Variants in STK26 observed in about 807,000 individuals in gnomAD.
STK26 encodes the protein serine/threonine kinase 26, also known as serine/threonine-protein kinase 26.
Under a neutral mutation model 34.7 loss-of-function variants are expected in STK26, and 14 were observed. The observed-to-expected ratio is 0.40, with a 90% confidence interval of 0.27 to 0.63. The LOEUF is 0.63. Ranked by LOEUF, STK26 falls within the 30% of genes least tolerant of loss-of-function variation. STK26 has a pLI of 0.38. For synonymous variants in STK26, 100 were observed against 109.8 expected, an observed-to-expected ratio of 0.91 and a Z score of 0.56; for missense variants, 226 against 309.1, an observed-to-expected ratio of 0.73 and a Z score of 2.02.
intron 2 of STK26, 63 bp from the exon 3 acceptor site, chrX:132,054,568 A>G: frequency 5.9e-6 from 6 of 1,013,145 alleles, no homozygotes; most frequent in South Asian, 2.2e-5. Context: ...ATTTTCCTTC[A>G]TTAAAAAAAT....
At chrX:132,024,089 A>G (rs1457038464) in intron 2 of STK26, among the ~76,000 whole-genome samples, 1 of 110,977 alleles carries the variant, frequency 9.0e-6, no homozygotes, top group Non-Finnish European at 1.9e-5. Context: ...GGGCGGGGCA[A>G]CACCAGGGGT....
intron 3 of STK26, 148 bp from the exon 4 acceptor site, chrX:132,063,284 AG>A: frequency 2.0e-6 from 1 of 489,131 alleles, no homozygotes; most frequent in Non-Finnish European, 3.4e-6. Flanking sequence ...TCTATCTCCA[AG>A]GGTTCAATTG....
chrX:132,075,529 T>C lies in STK26; in HGVS notation c.*1370T>C, dbSNP rs1339794353. The C allele has an allele frequency of 8.9e-6, 1 of 111,977 alleles. No individual in the cohort carries two copies. Among genetic ancestry groups the C allele is most frequent in the Non-Finnish European group, 1.9e-5 (1 of 53,020 alleles). 9.2% of individuals were successfully genotyped at this position (111,977 alleles called of 1,213,427 possible). A position where few individuals can be genotyped will look rare whatever the true frequency, so the allele number is the denominator to read the frequency against. On this transcript the variant is annotated 3_prime_UTR_variant, in exon 12 of 12. Transcript: ENST00000394334. The stretch of plus-strand genomic sequence containing the variant: ...GTCAAAGTGGCCATTACATCCTCTT[T>C]TTAATTTACATAATACAGATACTTG...
chrX:132,057,519 A>G (rs1463453504), intron 3 of STK26, among the ~76,000 whole-genome samples: 1 of 110,258 alleles, frequency 9.1e-6, no homozygotes. Flanking sequence ...ATCCTTCCAG[A>G]GTTACTTGGG....
Position 132,075,450 on chromosome X carries a change from T to G in STK26, c.*1291T>G, listed in dbSNP as rs1927569932. ...CAAAAGTCATTTAAAAAAATCTGAGTAATTGTCAAATATTAAAAGAAAGAT... is the reference window on the plus strand; with the variant it reads ...CAAAAGTCATTTAAAAAAATCTGAGGAATTGTCAAATATTAAAAGAAAGAT... On this transcript the variant is annotated 3_prime_UTR_variant, in exon 12 of 12. Coordinates refer to ENST00000394334, the MANE Select transcript of STK26 (RefSeq NM_016542.4). 1.8e-5 allele frequency: 2 copies of G among 111,756 alleles called. No individual in the cohort carries two copies. The highest frequency in any genetic ancestry group is 7.4e-4 in the South Asian group (2 of 2,701). The allele number at this position is 111,756 out of a possible 1,213,427, so 9.2% of individuals were successfully genotyped here.
At chrX:132,048,755 C>T (rs769061612) in intron 2 of STK26, among the ~76,000 whole-genome samples, 1 of 111,179 alleles carries the variant, frequency 9.0e-6, no homozygotes, top group Admixed American at 9.6e-5. Flanking sequence ...TAGGACAAAA[C>T]GGGTATACAA....
chrX:132,068,146 C>T, intron 4 of STK26, 69 bp from the exon 5 acceptor site: 1 of 851,920 alleles, frequency 1.2e-6, no homozygotes, highest in Non-Finnish European at 1.6e-6. Context: ...TCAAAGGTAC[C>T]AATTTTGAAT....
At chrX:132,028,036 T>G (rs1286164693) in intron 2 of STK26, among the ~76,000 whole-genome samples, 4 of 101,574 alleles carry the variant, frequency 3.9e-5, no homozygotes, top group Non-Finnish European at 6.0e-5. Context: ...TTATGGTTTT[T>G]TTTTTTTTTT....
chrX:132,041,656 A>T (rs111660659), intron 2 of STK26, among the ~76,000 whole-genome samples: 3,329 of 109,676 alleles, frequency 0.03, 63 homozygotes, highest in East Asian at 0.063. Flanking sequence ...TATAAAATTT[A>T]AAAAAAAAGC....
At chrX:132,055,960 C>T (rs997211930) in intron 3 of STK26, among the ~76,000 whole-genome samples, 2 of 112,197 alleles carry the variant, frequency 1.8e-5, no homozygotes, top group East Asian at 5.6e-4. Context: ...TGTATTGTTT[C>T]ATTTCATTCA....
At chrX:132,036,536 A>C (rs1233188018) in intron 2 of STK26, among the ~76,000 whole-genome samples, 3 of 111,998 alleles carry the variant, frequency 2.7e-5, no homozygotes, top group Non-Finnish European at 3.8e-5. Flanking sequence ...CGGAGGTTGC[A>C]GTGAGCTGAG....
At chrX:132,048,804 T>C (rs994877205) in intron 2 of STK26, among the ~76,000 whole-genome samples, 1 of 111,678 alleles carries the variant, frequency 9.0e-6, no homozygotes, top group Admixed American at 9.5e-5. Flanking sequence ...AAGAGTTGGA[T>C]TGAATGACCT....
At chrX:132,035,956 A>C (rs1441748841) in intron 2 of STK26, among the ~76,000 whole-genome samples, 1 of 110,520 alleles carries the variant, frequency 9.0e-6, no homozygotes, top group African/African-American at 3.3e-5. Context: ...GTTACTTCTG[A>C]ATCATTAAAG....
chrX:132,027,389 G>A (rs941876944), intron 2 of STK26, among the ~76,000 whole-genome samples: 1 of 112,325 alleles, frequency 8.9e-6, no homozygotes, highest in African/African-American at 3.2e-5. Flanking sequence ...ACACGTTTAA[G>A]GTAGGCTAAG....
chrX:132,030,181 A>G (rs1464789629), intron 2 of STK26, among the ~76,000 whole-genome samples: 1 of 111,902 alleles, frequency 8.9e-6, no homozygotes. Context: ...CTTGTAACTA[A>G]TCATCTGTCC....
chrX:132,056,191 T>C (rs1926849887), intron 3 of STK26, among the ~76,000 whole-genome samples: 1 of 112,340 alleles, frequency 8.9e-6, no homozygotes, highest in African/African-American at 3.2e-5. Context: ...TACTGTGTTC[T>C]TTTGGTGGTG....
intron 2 of STK26, among the ~76,000 whole-genome samples, chrX:132,043,524 C>T (rs1346796077): frequency 9.0e-6 from 1 of 111,544 alleles, no homozygotes; most frequent in Non-Finnish European, 1.9e-5. Flanking sequence ...AATCCCAGGC[C>T]ATATTTATGT....
chrX:132,058,381 C>T (rs1389429317), intron 3 of STK26, among the ~76,000 whole-genome samples: 1 of 110,998 alleles, frequency 9.0e-6, no homozygotes, highest in African/African-American at 3.3e-5. Context: ...TACTTTTAGG[C>T]ACCTGTGACA....
In STK26 at chrX:132,060,101, C is replaced by A. The variant is rs142956448; in HGVS notation, c.274-3332C>A. Among the ~76,000 whole-genome samples the A allele has an allele frequency of 6.1e-3, 686 of 112,153 alleles. 2 individuals are homozygous for A. The highest frequency in any genetic ancestry group is 0.014 in the Middle Eastern group (3 of 217). ...TCAACAGACGCTTATTTATTAATGC[C>A]TACTATGTGTATTCCTCTTCTTTTG... On this transcript the variant is annotated intron_variant, in intron 3 of 11. Coordinates refer to ENST00000394334, the MANE Select transcript of STK26 (RefSeq NM_016542.4).
Sources: allele counts gnomAD v4.1 joint callset (sites outside exome capture counted in the v4.1 genomes callset), GRCh38; gene constraint gnomAD v4.1.1; transcripts MANE v1.5; gene names NCBI Gene and HGNC (gene_info 2026-07-23, HGNC 2026-07-21).